CCDC51: variants seen among roughly 807,000 people sequenced by gnomAD.
CCDC51 encodes mitochondrial potassium channel.
CCDC51 carries 25 observed loss-of-function variants against 24.8 expected under a neutral mutation model. That is an observed-to-expected ratio of 1.01 (90% CI 0.73 to 1.41). The LOEUF is 1.41. CCDC51 is among the 40% of genes most tolerant of loss of function. The pLI is 0.00. For missense variants in CCDC51, 466 were observed against 519.1 expected (o/e 0.90, Z 0.99); for synonymous variants, 190 against 204.3 (o/e 0.93, Z 0.60).
At chr3:48,439,462 T>A (rs954163359) in intron 1 of CCDC51, among the ~76,000 whole-genome samples, 13 of 152,100 alleles carry the variant, frequency 8.5e-5, no homozygotes, top group Non-Finnish European at 1.9e-4. Context: ...CGAAACCCCG[T>A]CTCTACTAAA....
rs2015713 is a variant in CCDC51 at position 48,435,443 on chromosome 3, G to C, written c.-8-307C>G. Among the ~76,000 whole-genome samples the C allele has an allele frequency of 0.048, 7,346 of 152,218 alleles. 567 individuals are homozygous for C. The highest frequency in any genetic ancestry group is 0.16 in the African/African-American group (6,817 of 41,466). On this transcript the variant is annotated intron_variant, in intron 1 of 3. Transcript: ENST00000395694. The surrounding 1 kb of genome is among the most constrained non-coding windows in gnomAD (Gnocchi z 4.2). ...CTACCCACTTCCCTACATCCTCCAGGTCTCTCTGCTGTGACTTGAATGAGA... is the reference window on the plus strand; with the variant it reads ...CTACCCACTTCCCTACATCCTCCAGCTCTCTCTGCTGTGACTTGAATGAGA...
chr3:48,432,578 C>G lies in CCDC51; in HGVS notation c.1066G>C (p.Ala356Pro), dbSNP rs374873353. The G allele has an allele frequency of 1.9e-6, 3 of 1,614,132 alleles. No individual in the cohort carries two copies. Among genetic ancestry groups the G allele is most frequent in the Non-Finnish European group, 2.5e-6 (3 of 1,180,058 alleles). Residue 356 changes from alanine to proline, a missense_variant, in exon 4 of 4, where the codon GCT becomes CCT. Transcript: ENST00000395694. ...TGCTCCAGCAAGAAGCTGGGCATAG[C>G]CCCGTCTGCTGGTTCCACCAGGCCT... ...HPGLVEPADG[A>P]MPSFLLEQGS...
Position 48,432,780 on chromosome 3 carries a change from A to G in CCDC51, c.864T>C (p.Ser288=). 1 of 1,614,072 alleles carries G rather than the reference A, an allele frequency of 6.2e-7. No homozygotes were observed. The highest frequency in any genetic ancestry group is 1.3e-5 in the African/African-American group (1 of 75,034). Reference sequence around the variant, plus strand: ...CTACATCTCTGTCTCTGGTCGGGGGACTACCTGCCTGTGACCCAGAGTCCT... The same window carrying G: ...CTACATCTCTGTCTCTGGTCGGGGGGCTACCTGCCTGTGACCCAGAGTCCT... ...PGQDSGSQAG[S]PPTRDRDVDV... The change falls in exon 4 of 4, where the codon AGT becomes AGC. Residue 288 remains serine (S), a synonymous_variant. Coordinates refer to ENST00000395694, the MANE Select transcript of CCDC51 (RefSeq NM_001256964.2).
chr3:48,433,805 G>C lies in CCDC51; in HGVS notation c.379C>G (p.Gln127Glu). The change falls in exon 3 of 4, where the codon CAG (glutamine) becomes GAG (glutamate). Residue 127 changes from glutamine to glutamate, a missense_variant. Coordinates refer to ENST00000395694, the MANE Select transcript of CCDC51 (RefSeq NM_001256964.2). This position sits in a 1 kb window ranked among gnomAD's most constrained non-coding sequence, Gnocchi z 4.4. ...TCCCTCACCTCCTTCAGCTTGGCCT[G>C]GTGAACTTCCAAGTCCTCCCGAGCC... ...REAREDLEVH[Q>E]AKLKEVRDRL... The C allele has an allele frequency of 6.2e-7, 1 of 1,614,062 alleles. No individual in the cohort carries two copies. The highest frequency in any genetic ancestry group is 8.5e-7 in the Non-Finnish European group (1 of 1,180,010).
At chr3:48,443,775 C>A (rs982878947), upstream of CCDC51, 10 of 1,305,560 alleles carry the variant, frequency 7.7e-6, no homozygotes, top group African/African-American at 9.1e-5. Context: ...TTACTAAGGT[C>A]CACAGCAGGC....
upstream of CCDC51, among the ~76,000 whole-genome samples, chr3:48,441,760 AT>A (rs1419450663): frequency 6.6e-6 from 1 of 152,154 alleles, no homozygotes; most frequent in Non-Finnish European, 1.5e-5. Flanking sequence ...ACTAGTGATT[AT>A]TTCCTCCACA....
rs2039237165 is a variant in CCDC51 at position 48,433,090 on chromosome 3, G to C, written c.554C>G (p.Ala185Gly). ...EREKFSLFSA[A>G]VRESHEKERT... The stretch of plus-strand genomic sequence containing the variant: ...CTCCTTCTCATGACTTTCCCGCACA[G>C]CTGCAGAGAAGAGGGAGAACTTCTC... The change falls in exon 4 of 4, where the codon GCT becomes GGT. Residue 185 changes from alanine to glycine, a missense_variant. Physicochemically the swap from Ala to Gly is moderately conservative, Grantham distance 60. Transcript: ENST00000395694. This position sits in a 1 kb window ranked among gnomAD's most constrained non-coding sequence, Gnocchi z 4.4. The C allele has an allele frequency of 6.2e-7, 1 of 1,614,120 alleles. No individual in the cohort carries two copies. The highest frequency in any genetic ancestry group is 1.7e-5 in the Admixed American group (1 of 60,024).
In CCDC51 at chr3:48,433,878, A is replaced by T; in HGVS notation, c.313-7T>A. The T allele has an allele frequency of 6.2e-7, 1 of 1,612,218 alleles. No homozygotes were observed. The highest frequency in any genetic ancestry group is 8.5e-7 in the Non-Finnish European group (1 of 1,178,862). ...CCATGAACACTTTCTCAGCCTGCAA[A>T]GAGAAAACCGGAGGCCATCTGCACC... On this transcript the variant is annotated splice_region_variant and splice_polypyrimidine_tract_variant and intron_variant, in intron 2 of 3. Coordinates refer to ENST00000395694, the MANE Select transcript of CCDC51 (RefSeq NM_001256964.2). This position sits in a 1 kb window ranked among gnomAD's most constrained non-coding sequence, Gnocchi z 4.4.
Position 48,435,398 on chromosome 3 carries a change from A to C in CCDC51, c.-8-262T>G, listed in dbSNP as rs1027311433. Among the ~76,000 whole-genome samples, 1 of 152,136 alleles carries C rather than the reference A, an allele frequency of 6.6e-6. No individual in the cohort carries two copies. Among genetic ancestry groups the C allele is most frequent in the Non-Finnish European group, 1.5e-5 (1 of 68,032 alleles). The stretch of plus-strand genomic sequence containing the variant: ...CTTCCAGTGCCCGCCACCATGCCAC[A>C]CAAAGCGGACCCTTCCCTGCTACCC... On this transcript the variant is annotated intron_variant, in intron 1 of 3. Transcript: ENST00000395694. The surrounding 1 kb of genome is among the most constrained non-coding windows in gnomAD (Gnocchi z 4.2).
At chr3:48,440,502 G>C (rs747450492), upstream of CCDC51, 3 of 1,604,632 alleles carry the variant, frequency 1.9e-6, no homozygotes, top group African/African-American at 1.3e-5. Context: ...GGGGCGCTGG[G>C]AGACAGGCCT....
upstream of CCDC51, chr3:48,440,981 G>A (rs2039547761): frequency 2.7e-6 from 1 of 375,702 alleles, no homozygotes; most frequent in Non-Finnish European, 4.9e-6. Context: ...CTGCCTTCTA[G>A]TGTTTGAACC....
At chr3:48,442,144 C>G (rs553609691), upstream of CCDC51, among the ~76,000 whole-genome samples, 66 of 152,012 alleles carry the variant, frequency 4.3e-4, no homozygotes, top group African/African-American at 1.5e-3. Flanking sequence ...GAGGCAGCCT[C>G]GCTTAAGCCC....
At position 48,440,105 on chromosome 3, in the gene CCDC51, C is replaced by A; in HGVS notation, c.-126G>T. ...CCCTAGCTCCTCGTACCTGGCGTGGCCCGACCAATCGTCTGCCACTCAGTT... is the reference window on the plus strand; with the variant it reads ...CCCTAGCTCCTCGTACCTGGCGTGGACCGACCAATCGTCTGCCACTCAGTT... On this transcript the variant is annotated 5_prime_UTR_variant, in exon 1 of 4. Coordinates refer to ENST00000395694, the MANE Select transcript of CCDC51 (RefSeq NM_001256964.2). 2.2e-6 allele frequency: 2 copies of A among 921,004 alleles called. No individual in the cohort carries two copies. Among genetic ancestry groups the A allele is most frequent in the African/African-American group, 1.7e-5 (1 of 59,910 alleles). 57.1% of individuals were successfully genotyped at this position (921,004 alleles called of 1,614,324 possible).
In CCDC51 at chr3:48,435,552, T is replaced by C. The variant is rs2107134608; in HGVS notation, c.-8-416A>G. Among the ~76,000 whole-genome samples, 1 of 152,298 alleles carries C rather than the reference T, an allele frequency of 6.6e-6. No individual in the cohort carries two copies. Among genetic ancestry groups the C allele is most frequent in the South Asian group, 2.1e-4 (1 of 4,832 alleles). On this transcript the variant is annotated intron_variant, in intron 1 of 3. Transcript: ENST00000395694. The surrounding 1 kb of genome is among the most constrained non-coding windows in gnomAD (Gnocchi z 4.2). ...GCTGACAAAGCCCCACAAAGACGCA[T>C]AAATACTCCCTGCAATGTTGTGGAA...
upstream of CCDC51, chr3:48,440,535 C>G (rs1405880475): frequency 6.2e-7 from 1 of 1,610,312 alleles, no homozygotes; most frequent in Non-Finnish European, 8.5e-7. Context: ...CTCTGCCTCT[C>G]CCCAGGAAGA....
At chr3:48,443,203 C>T (rs547128460), upstream of CCDC51, among the ~76,000 whole-genome samples, 27 of 144,348 alleles carry the variant, frequency 1.9e-4, no homozygotes, top group East Asian at 4.9e-3. Flanking sequence ...ATTGCACCAC[C>T]GCAGTCCAGC....
chr3:48,439,781 A>C (rs2039498257), intron 1 of CCDC51, among the ~76,000 whole-genome samples: 1 of 152,238 alleles, frequency 6.6e-6, no homozygotes, highest in Admixed American at 6.5e-5. Flanking sequence ...ATAGATGAAC[A>C]AACAGAATTC....
Position 48,432,863 on chromosome 3 carries a change from C to A in CCDC51, c.781G>T (p.Asp261Tyr). The A allele has an allele frequency of 6.2e-7, 1 of 1,613,706 alleles. No individual in the cohort carries two copies. Residue 261 changes from aspartate to tyrosine, a missense_variant, in exon 4 of 4, where the codon GAC becomes TAC. Transcript: ENST00000395694. ...QASSYSRQQR[D>Y]LHNLMVDLRG... is the part of the protein sequence containing the mutation. Reference sequence around the variant, plus strand: ...AGGTCCACCATGAGATTGTGGAGGTCCCTCTGCTGGCGGGAGTAGCTAGAC... The same window carrying A: ...AGGTCCACCATGAGATTGTGGAGGTACCTCTGCTGGCGGGAGTAGCTAGAC...
chr3:48,433,296 G>A lies in CCDC51; in HGVS notation c.478-130C>T. The A allele has an allele frequency of 1.1e-6, 1 of 906,064 alleles. No homozygotes were observed. The highest frequency in any genetic ancestry group is 1.7e-5 in the South Asian group (1 of 59,740). 56.1% of individuals were successfully genotyped at this position (906,064 alleles called of 1,614,324 possible). ...TTCCATAGACCCATGCTGAATGAAT[G>A]AAGGTAGCACCAACCTGGCTGGGTC... On this transcript the variant is annotated intron_variant, in intron 3 of 3. Coordinates refer to ENST00000395694, the MANE Select transcript of CCDC51 (RefSeq NM_001256964.2). This position sits in a 1 kb window ranked among gnomAD's most constrained non-coding sequence, Gnocchi z 4.4.
Sources: allele counts gnomAD v4.1 joint callset (sites outside exome capture counted in the v4.1 genomes callset), GRCh38; gene constraint gnomAD v4.1.1; non-coding constraint Gnocchi (gnomAD v3.1); transcripts MANE v1.5; gene names NCBI Gene and HGNC (gene_info 2026-07-23, HGNC 2026-07-21).